PTPRT: variants seen among roughly 807,000 people sequenced by gnomAD.
The protein encoded by PTPRT is receptor-type tyrosine-protein phosphatase T.
A neutral mutation model predicts 176.8 loss-of-function variants in PTPRT; 56 were observed. The ratio of observed to expected loss-of-function variants is 0.32; its 90% CI spans 0.26 to 0.40. The LOEUF (loss-of-function observed/expected upper bound fraction) is 0.40, where lower values mean the gene tolerates loss of function less well. Among genes scored for constraint, PTPRT ranks in the 10% least tolerant of loss-of-function variants. The pLI, the probability that PTPRT is intolerant of heterozygous loss-of-function variation, is 1.00. For synonymous variants in PTPRT, 783 were observed against 739.0 expected (o/e 1.06, Z -0.96); for missense variants, 1,540 against 1,908.2 (o/e 0.81, Z 3.60).
At chr20:43,174,636 C>T (rs1357669829) in intron 1 of PTPRT, among the ~76,000 whole-genome samples, 4 of 152,200 alleles carry the variant, frequency 2.6e-5, no homozygotes, top group Non-Finnish European at 5.9e-5. Flanking sequence ...ATGCTCTTCT[C>T]CTCTGTATAC....
downstream of PTPRT, among the ~76,000 whole-genome samples, chr20:42,072,493 A>G (rs934467922): frequency 2.0e-5 from 3 of 152,232 alleles, no homozygotes; most frequent in Non-Finnish European, 4.4e-5. Flanking sequence ...AGTGATTCTC[A>G]TGCCACTGCT....
At chr20:42,137,303 G>C (rs1988423523) in intron 18 of PTPRT, among the ~76,000 whole-genome samples, 1 of 152,152 alleles carries the variant, frequency 6.6e-6, no homozygotes, top group Admixed American at 6.5e-5. Flanking sequence ...GGAATCAGCA[G>C]AGAAACCTGC....
chr20:42,486,776 C>T (rs1167043362), intron 7 of PTPRT, among the ~76,000 whole-genome samples: 3 of 152,082 alleles, frequency 2.0e-5, no homozygotes, highest in East Asian at 3.9e-4. Flanking sequence ...GTTGAAGGAG[C>T]GGTAGCCCCT....
chr20:42,752,090 G>C (rs1430334729), intron 6 of PTPRT, among the ~76,000 whole-genome samples: 1 of 151,854 alleles, frequency 6.6e-6, no homozygotes, highest in African/African-American at 2.4e-5. Flanking sequence ...CAGAGAACTG[G>C]GCCACACTTT....
intron 13 of PTPRT, among the ~76,000 whole-genome samples, chr20:42,276,937 G>T (rs2147032175): frequency 6.6e-6 from 1 of 152,178 alleles, no homozygotes; most frequent in African/African-American, 2.4e-5. Context: ...TAGTGTCCCT[G>T]CTGGTCCCTG....
intron 1 of PTPRT, among the ~76,000 whole-genome samples, chr20:43,055,439 T>G (rs764892794): frequency 7.9e-5 from 12 of 152,140 alleles, no homozygotes; most frequent in Non-Finnish European, 1.5e-4. Context: ...ACAGCATCCA[T>G]CAGCATGCTG....
chr20:42,452,377 G>C (rs1444987686), intron 8 of PTPRT, among the ~76,000 whole-genome samples: 2 of 152,026 alleles, frequency 1.3e-5, no homozygotes, highest in Admixed American at 1.3e-4. Context: ...GTTGAAAGAA[G>C]GGTTCTCTCC....
At chr20:42,091,210 A>G (rs1456391628) in intron 27 of PTPRT, among the ~76,000 whole-genome samples, 1 of 152,224 alleles carries the variant, frequency 6.6e-6, no homozygotes, top group Non-Finnish European at 1.5e-5. Context: ...GCTGCCATAC[A>G]TTATTCCACC....
chr20:42,207,321 G>T (rs1482827963), intron 15 of PTPRT, among the ~76,000 whole-genome samples: 3 of 151,078 alleles, frequency 2.0e-5, no homozygotes, highest in South Asian at 4.2e-4. Flanking sequence ...AGAGAAGAAG[G>T]CTTCAGACGA....
chr20:42,865,787 G>A (rs1305995791), intron 2 of PTPRT, among the ~76,000 whole-genome samples: 3 of 152,138 alleles, frequency 2.0e-5, no homozygotes, highest in Middle Eastern at 3.2e-3. Flanking sequence ...CCAATTCTCC[G>A]CAGGGGAAAG....
chr20:42,086,753 A>AAAAAAAAAATATATATATATATATATAT (rs1983991312), intron 27 of PTPRT, among the ~76,000 whole-genome samples: 1 of 95,542 alleles, frequency 1.0e-5, no homozygotes, highest in Admixed American at 1.0e-4. Context: ...AAAAAAAAAA[A>AAAAAAAAAATATATATATATATATATAT]ATATATATAT....
At chr20:42,250,036 C>T (rs192815947) in intron 13 of PTPRT, among the ~76,000 whole-genome samples, 5 of 152,312 alleles carry the variant, frequency 3.3e-5, no homozygotes, top group Admixed American at 2.0e-4. Context: ...TCAGCCAATA[C>T]GCTTTCTCTG....
chr20:43,170,822 C>G (rs1260879919), intron 1 of PTPRT, among the ~76,000 whole-genome samples: 1 of 152,210 alleles, frequency 6.6e-6, no homozygotes, highest in African/African-American at 2.4e-5. Context: ...CTCTTTCCAA[C>G]ATGTTGAGTG....
At chr20:42,919,293 G>A (rs897989989) in intron 1 of PTPRT, among the ~76,000 whole-genome samples, 6 of 152,174 alleles carry the variant, frequency 3.9e-5, no homozygotes, top group African/African-American at 1.4e-4. Flanking sequence ...TGGACTCTTT[G>A]TACTTCCTCT....
intron 2 of PTPRT, among the ~76,000 whole-genome samples, chr20:42,844,631 C>T (rs888510964): frequency 6.6e-6 from 1 of 152,150 alleles, no homozygotes; most frequent in African/African-American, 2.4e-5. Flanking sequence ...CCATGACTTC[C>T]CCCACATGAC....
intron 9 of PTPRT, among the ~76,000 whole-genome samples, chr20:42,376,818 A>T (rs2058654370): frequency 6.6e-6 from 1 of 152,148 alleles, no homozygotes. Context: ...GATCGAGTCT[A>T]TAGTGGGGGA....
chr20:42,110,961 T>C (rs1986955641), intron 22 of PTPRT, among the ~76,000 whole-genome samples: 1 of 152,224 alleles, frequency 6.6e-6, no homozygotes, highest in Non-Finnish European at 1.5e-5. Flanking sequence ...TGATAGTCTG[T>C]GTGGCTTTCA....
intron 13 of PTPRT, among the ~76,000 whole-genome samples, chr20:42,280,649 C>T (rs1012063547): frequency 6.6e-6 from 1 of 152,126 alleles, no homozygotes; most frequent in African/African-American, 2.4e-5. Context: ...AGAGGGGAAG[C>T]CCTTATGCTA....
At chr20:43,186,624 A>G (rs80334901) in intron 1 of PTPRT, among the ~76,000 whole-genome samples, 6,492 of 152,328 alleles carry the variant, frequency 0.043, 191 homozygotes, top group Non-Finnish European at 0.067. Flanking sequence ...AGAAGAAATT[A>G]AGTTGAGTAG....
Sources: allele counts gnomAD v4.1 joint callset (sites outside exome capture counted in the v4.1 genomes callset), GRCh38; gene constraint gnomAD v4.1.1; transcripts MANE v1.5; gene names NCBI Gene and HGNC (gene_info 2026-07-23, HGNC 2026-07-21).